USP49: variants seen among roughly 807,000 people sequenced by gnomAD.
USP49 encodes the protein ubiquitin specific peptidase 49, also known as ubiquitin carboxyl-terminal hydrolase 49.
Under a neutral mutation model 58.6 loss-of-function variants are expected in USP49, and 24 were observed. That is an observed-to-expected ratio of 0.41 (90% CI 0.30 to 0.58). The LOEUF (loss-of-function observed/expected upper bound fraction) is 0.58, where lower values mean the gene tolerates loss of function less well. Among genes scored for constraint, USP49 ranks in the 20% least tolerant of loss-of-function variants. The pLI is 0.30. For missense variants in USP49, 703 were observed against 866.1 expected, an observed-to-expected ratio of 0.81 and a Z score of 2.36; for synonymous variants, 408 against 365.1, an observed-to-expected ratio of 1.12 and a Z score of -1.34.
At chr6:41,854,059 G>A (rs531235994) in intron 3 of USP49, among the ~76,000 whole-genome samples, 3 of 146,748 alleles carry the variant, frequency 2.0e-5, no homozygotes, top group South Asian at 4.3e-4. Context: ...GCTCATGCCC[G>A]TAATCCCAGC....
intron 3 of USP49, among the ~76,000 whole-genome samples, chr6:41,865,796 GCCTGGCCTTTTTTTTTTTTTTTTTTCCC>G: frequency 2.5e-5 from 3 of 121,004 alleles, no homozygotes; most frequent in African/African-American, 1.0e-4. Context: ...ATGCCACCAT[GCCTGGCCTTTTTTTTTTTTTTTTTTCCC>G]CCAGAGACTG....
Position 41,798,535 on chromosome 6 carries a change from C to G in USP49, c.1876+189G>C, listed in dbSNP as rs1772931911. 3 of 1,480,602 alleles carry G rather than the reference C, an allele frequency of 2.0e-6. No homozygotes were observed. The East Asian group carries it at 7.2e-5, about 35-fold the overall frequency. 91.7% of individuals were successfully genotyped at this position (1,480,602 alleles called of 1,614,324 possible). On this transcript the variant is annotated intron_variant, in intron 7 of 7. Coordinates refer to ENST00000682992, the MANE Select transcript of USP49 (RefSeq NM_001286554.2). Reference sequence around the variant, plus strand: ...AGGTGATCCACCCACCGCGGCCTCCCAAAGCGCTAGGATTACAGGTGTGAG... The same window carrying G: ...AGGTGATCCACCCACCGCGGCCTCCGAAAGCGCTAGGATTACAGGTGTGAG...
chr6:41,796,769 A>G (rs1186105068), intron 7 of USP49, 46 bp from the exon 8 acceptor site: 1 of 705,346 alleles, frequency 1.4e-6, no homozygotes, highest in African/African-American at 1.8e-5. Context: ...TACCCAATTC[A>G]TATTTTAGTC....
intron 5 of USP49, 140 bp from the exon 6 acceptor site, chr6:41,800,078 A>G (rs1261027194): frequency 4.4e-6 from 3 of 688,828 alleles, no homozygotes; most frequent in African/African-American, 3.6e-5. Context: ...GCGCAATGTG[A>G]CACTCTTTAT....
In USP49 at chr6:41,806,824, C is replaced by A. The variant is rs144313199; in HGVS notation, c.160G>T (p.Ala54Ser). 6.2e-7 allele frequency: 1 copy of A among 1,614,148 alleles called. No homozygotes were observed. Among genetic ancestry groups the A allele is most frequent in the Non-Finnish European group, 8.5e-7 (1 of 1,180,022 alleles). The change falls in exon 4 of 8, where the codon GCC becomes TCC. Residue 54 changes from alanine (A) to serine (S), a missense_variant. Ala to Ser is a moderately conservative substitution (Grantham distance 99, BLOSUM62 1). Around this residue, in one of 6 missense-constraint regions of USP49, gnomAD observed 376 missense variants for 373.5 expected, o/e 1.01. Transcript: ENST00000682992. This position sits in a 1 kb window ranked among gnomAD's most constrained non-coding sequence, Gnocchi z 5.9. The part of the protein sequence containing the change: ...VACGRYIEDH[A>S]LKHFEETGHP... ...CCCGTCTCCTCAAAGTGTTTCAGGG[C>A]GTGGTCCTCAATATAGCGGCCGCAG...
In USP49 at chr6:41,814,210, G is replaced by A. The variant is rs537209633; in HGVS notation, c.-28-7199C>T. ...ATAAATGTCCTGCACACCCTTGGTC[G>A]ATCTGCATATGAGGAAAGTAAACCT... On this transcript the variant is annotated intron_variant, in intron 3 of 7. Transcript: ENST00000682992. Among the ~76,000 whole-genome samples, 22 of 152,270 alleles carry A rather than the reference G, an allele frequency of 1.4e-4. No homozygotes were observed. In the South Asian group the frequency reaches 4.6e-3, roughly 32 times the overall value.
chr6:41,881,288 CAAAAAAAAAAAAAAAA>C (rs57022965), intron 2 of USP49, among the ~76,000 whole-genome samples: 15 of 20,378 alleles, frequency 7.4e-4, no homozygotes, highest in East Asian at 4.2e-3. Flanking sequence ...CATTAAATAC[CAAAAAAAAAAAAAAAA>C]AAAAAAAAAA....
At position 41,798,495 on chromosome 6, in the gene USP49, C is replaced by T. The variant is rs9394832; in HGVS notation, c.1876+229G>A. ...TTAACCATGTTGGCCAGGCTGGTCT[C>T]GAACTCCTGACCTCAGGTGATCCAC... is the stretch of plus-strand genomic sequence containing the variant. On this transcript the variant is annotated intron_variant, in intron 7 of 7. Coordinates refer to ENST00000682992, the MANE Select transcript of USP49 (RefSeq NM_001286554.2). 93 of 1,280,174 alleles carry T rather than the reference C, an allele frequency of 7.3e-5. No homozygotes were observed. The East Asian group carries it at 1.9e-3, about 26-fold the overall frequency. 79.3% of individuals were successfully genotyped at this position (1,280,174 alleles called of 1,614,324 possible). A position where few individuals can be genotyped will look rare whatever the true frequency, so the allele number is the denominator to read the frequency against.
chr6:41,836,007 G>A (rs1399287471), intron 3 of USP49, among the ~76,000 whole-genome samples: 1 of 152,098 alleles, frequency 6.6e-6, no homozygotes, highest in East Asian at 1.9e-4. Flanking sequence ...GAGCCCAGGA[G>A]TTCCAGGCTG....
intron 3 of USP49, among the ~76,000 whole-genome samples, chr6:41,824,418 A>C (rs1773502908): frequency 6.6e-6 from 1 of 152,070 alleles, no homozygotes; most frequent in African/African-American, 2.4e-5. Context: ...TAAAAAAAAA[A>C]AACATAGCAT....
rs1773056322 is a variant in USP49, at chr6:41,803,499, T to C, written c.1561+307A>G. Among the ~76,000 whole-genome samples, 1 of 152,204 alleles carries C rather than the reference T, an allele frequency of 6.6e-6. No individual in the cohort carries two copies. Among genetic ancestry groups the C allele is most frequent in the African/African-American group, 2.4e-5 (1 of 41,444 alleles). On this transcript the variant is annotated intron_variant, in intron 5 of 7. Coordinates refer to ENST00000682992, the MANE Select transcript of USP49 (RefSeq NM_001286554.2). This position sits in a 1 kb window ranked among gnomAD's most constrained non-coding sequence, Gnocchi z 4.1. ...TTGTATTTTTAGTAGAGACAGGGTT[T>C]CACCATGTTGGTCAGGCTGGTCTCA...
chr6:41,798,480 T>G lies in USP49; in HGVS notation c.1876+244A>C, dbSNP rs1328976519. The stretch of plus-strand genomic sequence containing the variant: ...TAGTAGAGACGGGGTTTAACCATGT[T>G]GGCCAGGCTGGTCTCGAACTCCTGA... On this transcript the variant is annotated intron_variant, in intron 7 of 7. Coordinates refer to ENST00000682992, the MANE Select transcript of USP49 (RefSeq NM_001286554.2). 1.1e-5 allele frequency: 12 copies of G among 1,119,146 alleles called. No individual in the cohort carries two copies. The African/African-American group carries it at 1.9e-4, about 18-fold the overall frequency. The allele number at this position is 1,119,146 out of a possible 1,614,324, so 69.3% of individuals were successfully genotyped here.
chr6:41,805,637 C>T lies in USP49; in HGVS notation c.1347G>A (p.Leu449=), dbSNP rs146370706. ...GTAGGCACACACATACCTGACTGAG[C>T]AGCTGCCCATGAAATATGGTATTCA... ...KVVNTIFHGQ[L]LSQVTCISCN... is the part of the protein sequence containing the mutation. The change falls in exon 4 of 8, where the codon CTG becomes CTA. Residue 449 remains leucine, a synonymous_variant. Coordinates refer to ENST00000682992, the MANE Select transcript of USP49 (RefSeq NM_001286554.2). 3.3e-4 allele frequency: 532 copies of T among 1,611,996 alleles called. 1 individual carries two copies. The highest frequency in any genetic ancestry group is 2.4e-4 in the Non-Finnish European group (285 of 1,178,314).
chr6:41,799,693 T>A, intron 6 of USP49, 137 bp downstream of exon 6: 1 of 714,744 alleles, frequency 1.4e-6, no homozygotes, highest in Non-Finnish European at 2.4e-6. Context: ...AACAGTTTAA[T>A]CTCCATGGAA....
At position 41,858,894 on chromosome 6, in the gene USP49, C is replaced by T. The variant is rs148453756; in HGVS notation, c.-29+12670G>A. Reference sequence around the variant, plus strand: ...ATGTATAGTCATTCTCCCCACTAGACGATAAGCTCCATGAGGGCAGAGAGT... The same window carrying T: ...ATGTATAGTCATTCTCCCCACTAGATGATAAGCTCCATGAGGGCAGAGAGT... On this transcript the variant is annotated intron_variant, in intron 3 of 7. Coordinates refer to ENST00000682992, the MANE Select transcript of USP49 (RefSeq NM_001286554.2). Among the ~76,000 whole-genome samples, 613 of 152,266 alleles carry T rather than the reference C, an allele frequency of 4.0e-3. 8 individuals are homozygous for T. Among genetic ancestry groups the T allele is most frequent in the Admixed American group, 0.023 (354 of 15,262 alleles).
At chr6:41,843,976 G>T (rs1273611330) in intron 3 of USP49, among the ~76,000 whole-genome samples, 1 of 152,118 alleles carries the variant, frequency 6.6e-6, no homozygotes, top group Non-Finnish European at 1.5e-5. Flanking sequence ...CCCAGGAGGT[G>T]GAGGTGGCAG....
intron 2 of USP49, among the ~76,000 whole-genome samples, chr6:41,885,412 T>C (rs893801902): frequency 6.6e-6 from 1 of 152,028 alleles, no homozygotes; most frequent in Non-Finnish European, 1.5e-5. Flanking sequence ...ATAATACTGG[T>C]AAAGGAAAAT....
intron 2 of USP49, among the ~76,000 whole-genome samples, chr6:41,882,031 T>TA (rs199795291): frequency 0.013 from 1,984 of 147,472 alleles, 27 homozygotes; most frequent in South Asian, 0.064. Flanking sequence ...TCTAAATATT[T>TA]AAAAAAAAGA....
intron 3 of USP49, among the ~76,000 whole-genome samples, chr6:41,819,698 T>C (rs771240100): frequency 4.6e-5 from 7 of 152,162 alleles, no homozygotes; most frequent in Non-Finnish European, 1.0e-4. Flanking sequence ...TTATAATAGA[T>C]GGATAAGGTT....
Sources: allele counts gnomAD v4.1 joint callset (sites outside exome capture counted in the v4.1 genomes callset), GRCh38; gene constraint gnomAD v4.1.1; regional missense constraint gnomAD v4.1.1; non-coding constraint Gnocchi (gnomAD v3.1); transcripts MANE v1.5; gene names NCBI Gene and HGNC (gene_info 2026-07-23, HGNC 2026-07-21).